The following PTBP2 variants were observed in gnomAD, a reference collection of about 807,000 sequenced individuals.
PTBP2 encodes the protein polypyrimidine tract-binding protein 2.
In PTBP2, 13 loss-of-function variants were observed where a neutral mutation model predicts 61.4. That is an observed-to-expected ratio of 0.21 (90% CI 0.14 to 0.34). PTBP2 has a LOEUF of 0.34. PTBP2 is among the 10% of genes least tolerant of loss of function. The pLI is 1.00. For missense variants in PTBP2, 405 were observed against 642.6 expected (o/e 0.63, Z 4.00); for synonymous variants, 215 against 218.5 (o/e 0.98, Z 0.14).
chr1:96,776,040 G>T (rs182904784), intron 5 of PTBP2, among the ~76,000 whole-genome samples: 2 of 152,126 alleles, frequency 1.3e-5, no homozygotes, highest in Admixed American at 1.3e-4. Flanking sequence ...GTTGGTAGGG[G>T]AAAATAGACT....
intron 11 of PTBP2, 39 bp from the exon 12 acceptor site, chr1:96,812,673 T>TTGA: frequency 7.1e-7 from 1 of 1,400,848 alleles, no homozygotes; most frequent in Non-Finnish European, 1.0e-6. Flanking sequence ...GTTTTGAGCT[T>TTGA]TGATATTGTT....
intron 5 of PTBP2, among the ~76,000 whole-genome samples, chr1:96,772,372 C>T (rs866465009): frequency 6.6e-6 from 1 of 152,280 alleles, no homozygotes; most frequent in South Asian, 2.1e-4. Context: ...CATTAGCATA[C>T]AAAATATATC....
At chr1:96,805,691 C>T (rs879093744) in intron 9 of PTBP2, among the ~76,000 whole-genome samples, 1 of 152,064 alleles carries the variant, frequency 6.6e-6, no homozygotes, top group Admixed American at 6.5e-5. Flanking sequence ...TTTTAATTGG[C>T]CTCTGTTAAT....
Position 96,753,278 on chromosome 1 carries a change from T to C in PTBP2, c.115+1778T>C, listed in dbSNP as rs375373929. On this transcript the variant is annotated intron_variant, in intron 3 of 13. Transcript: ENST00000674951. ...TCTGAGAAGTCAGAATGCAGACATA[T>C]TGCAGGGTACTTCAAACACTCCATT... is the stretch of plus-strand genomic sequence containing the variant. Among the ~76,000 whole-genome samples the C allele has an allele frequency of 2.6e-5, 4 of 152,174 alleles. No individual in the cohort carries two copies. In the East Asian group the frequency reaches 7.7e-4, roughly 29 times the overall value.
intron 3 of PTBP2, among the ~76,000 whole-genome samples, chr1:96,764,599 C>T (rs1269365081): frequency 1.3e-5 from 2 of 152,168 alleles, no homozygotes; most frequent in Non-Finnish European, 2.9e-5. Context: ...GAGTCTGGAA[C>T]ATTTTACTTA....
intron 8 of PTBP2, among the ~76,000 whole-genome samples, chr1:96,796,647 C>T (rs893034090): frequency 1.3e-5 from 2 of 151,912 alleles, no homozygotes; most frequent in Non-Finnish European, 1.5e-5. Context: ...TTTGTCAAGC[C>T]CAGATGAAAG....
At chr1:96,770,599 C>G in intron 4 of PTBP2, 109 bp from the exon 5 acceptor site, 1 of 992,590 alleles carries the variant, frequency 1.0e-6, no homozygotes, top group Non-Finnish European at 1.5e-6. Context: ...TAAAAGTAAC[C>G]TGAAGGATTA....
intron 8 of PTBP2, among the ~76,000 whole-genome samples, chr1:96,791,827 T>TTTTTTTTGTTTTTTTTTTG (rs1553184731): frequency 0.067 from 5,491 of 81,570 alleles, 901 homozygotes; most frequent in African/African-American, 0.28. Flanking sequence ...GGAGTTGTGC[T>TTTTTTTTGTTTTTTTTTTG]TTTTTTTTTT....
At chr1:96,767,651 C>T (rs1373430472) in intron 3 of PTBP2, among the ~76,000 whole-genome samples, 1 of 152,018 alleles carries the variant, frequency 6.6e-6, no homozygotes, top group East Asian at 1.9e-4. Flanking sequence ...TGTGTGTGCC[C>T]ATTATGTGTT....
chr1:96,745,123 A>T (rs1049616913), intron 2 of PTBP2, among the ~76,000 whole-genome samples: 1 of 152,156 alleles, frequency 6.6e-6, no homozygotes, highest in African/African-American at 2.4e-5. Context: ...TCAAATAAAA[A>T]AACTTGAATG....
chr1:96,731,088 G>A (rs1198709364), intron 2 of PTBP2, among the ~76,000 whole-genome samples: 1 of 152,050 alleles, frequency 6.6e-6, no homozygotes, highest in African/African-American at 2.4e-5. Context: ...GAGGATACTC[G>A]TGTGGCTGCA....
chr1:96,790,844 C>T (rs1249557128), intron 8 of PTBP2, among the ~76,000 whole-genome samples: 6 of 151,778 alleles, frequency 4.0e-5, no homozygotes, highest in Admixed American at 3.3e-4. Flanking sequence ...TGACCAGTGG[C>T]CCAAAAAAGG....
intron 2 of PTBP2, among the ~76,000 whole-genome samples, chr1:96,728,423 G>T (rs905766529): frequency 6.6e-6 from 1 of 152,208 alleles, no homozygotes; most frequent in African/African-American, 2.4e-5. Flanking sequence ...AGTGTTTACA[G>T]CATCATTTGT....
chr1:96,766,780 A>G (rs1656771916), intron 3 of PTBP2, among the ~76,000 whole-genome samples: 1 of 152,126 alleles, frequency 6.6e-6, no homozygotes, highest in Non-Finnish European at 1.5e-5. Flanking sequence ...TTACTACAGT[A>G]ACTGGCTTGG....
chr1:96,746,817 TTGTC>T (rs142315770), intron 2 of PTBP2, among the ~76,000 whole-genome samples: 27 of 92,398 alleles, frequency 2.9e-4, no homozygotes, highest in South Asian at 4.1e-4. Context: ...TTATGCTGTC[TTGTC>T]TGTCTGTCTG....
At chr1:96,768,998 C>T (rs529350982) in intron 3 of PTBP2, among the ~76,000 whole-genome samples, 2 of 151,988 alleles carry the variant, frequency 1.3e-5, no homozygotes, top group Non-Finnish European at 2.9e-5. Flanking sequence ...CCAGTTTTTT[C>T]ACTTTTTAAA....
At chr1:96,802,862 AATTGT>A (rs1461765852) in intron 8 of PTBP2, among the ~76,000 whole-genome samples, 4 of 152,234 alleles carry the variant, frequency 2.6e-5, no homozygotes, top group African/African-American at 4.8e-5. Context: ...ACTAATAAAT[AATTGT>A]ATTGTCAACT....
downstream of PTBP2, chr1:96,816,834 T>A (rs536293770): frequency 4.8e-4 from 73 of 152,246 alleles, no homozygotes; most frequent in African/African-American, 1.8e-3. Flanking sequence ...GAGGCTCAAA[T>A]AGGATAAGTG....
intron 7 of PTBP2, among the ~76,000 whole-genome samples, chr1:96,780,328 A>G (rs984118747): frequency 6.6e-6 from 1 of 151,750 alleles, no homozygotes; most frequent in African/African-American, 2.4e-5. Flanking sequence ...CCATCCATCT[A>G]TAACTCTACG....
Sources: gnomAD v4.1 joint callset for allele counts (sites outside exome capture counted in the v4.1 genomes callset) on GRCh38, gnomAD v4.1.1 for gene constraint, MANE v1.5 for transcripts, NCBI Gene and HGNC (gene_info 2026-07-23, HGNC 2026-07-21) for gene names.